The following UBAP2 variants were observed in gnomAD, a reference collection of about 807,000 sequenced individuals.
The protein encoded by UBAP2 is ubiquitin-associated protein 2.
Under a neutral mutation model 139.6 loss-of-function variants are expected in UBAP2, and 75 were observed. The observed-to-expected ratio is 0.54, with a 90% CI of 0.45 to 0.65. The LOEUF (loss-of-function observed/expected upper bound fraction) is 0.65, where lower values mean the gene tolerates loss of function less well. Ranked by LOEUF, UBAP2 falls within the 30% of genes least tolerant of loss-of-function variation. UBAP2 has a pLI of 0.00. For missense variants in UBAP2, 1,368 were observed against 1,369.6 expected, an observed-to-expected ratio of 1.00 and a Z score of 0.02; for synonymous variants, 526 against 526.2, an observed-to-expected ratio of 1.00 and a Z score of 0.01.
intron 4 of UBAP2, among the ~76,000 whole-genome samples, chr9:33,989,971 A>G (rs1008959591): frequency 6.6e-6 from 1 of 152,192 alleles, no homozygotes; most frequent in Non-Finnish European, 1.5e-5. Flanking sequence ...TAACCTCCAA[A>G]GAATTCTTCT....
At chr9:34,020,387 C>A (rs1489247097) in intron 1 of UBAP2, among the ~76,000 whole-genome samples, 2 of 151,438 alleles carry the variant, frequency 1.3e-5, no homozygotes, top group African/African-American at 2.4e-5. Flanking sequence ...ACGAATAGTG[C>A]GATCTCGGCT....
At chr9:34,016,946 A>T in intron 2 of UBAP2, 104 bp downstream of exon 2, 1 of 791,148 alleles carries the variant, frequency 1.3e-6, no homozygotes. Context: ...TAATTTCCTT[A>T]ATTCTAAACA....
At chr9:33,969,877 C>G (rs1373701822) in intron 8 of UBAP2, among the ~76,000 whole-genome samples, 1 of 149,850 alleles carries the variant, frequency 6.7e-6, no homozygotes, top group Non-Finnish European at 1.5e-5. Context: ...CCCCCCCACC[C>G]CCAAAAAAAA....
chr9:34,038,457 A>AT (rs34467635), intron 1 of UBAP2, among the ~76,000 whole-genome samples: 3 of 151,218 alleles, frequency 2.0e-5, no homozygotes, highest in African/African-American at 2.4e-5. Context: ...TGGTTTTCGT[A>AT]TTTTTTTGGT....
Position 33,923,867 on chromosome 9 carries a change from A to AGGTGGC in UBAP2, c.2718_2723dup (p.Pro907_Pro908dup). On this transcript the variant is annotated inframe_insertion, in exon 24 of 29. Coordinates refer to ENST00000379238, the MANE Select transcript of UBAP2 (RefSeq NM_001370062.2). The stretch of plus-strand genomic sequence containing the variant: ...AGGGAAGACCAGTGTAGCTATAGCC[A>AGGTGGC]GGTGGCAGTGCAGGATTCACGAAGG... 6.2e-7 allele frequency: 1 copy of AGGTGGC among 1,614,220 alleles called. No individual in the cohort carries two copies. The highest frequency in any genetic ancestry group is 8.5e-7 in the Non-Finnish European group (1 of 1,180,038).
chr9:34,046,602 C>T (rs1357167468), intron 1 of UBAP2, among the ~76,000 whole-genome samples: 2 of 144,696 alleles, frequency 1.4e-5, no homozygotes, highest in African/African-American at 5.2e-5. Context: ...CGAGATCAGG[C>T]CACTGCACTC....
At chr9:33,953,080 G>T (rs1402620439) in intron 12 of UBAP2, among the ~76,000 whole-genome samples, 1 of 152,126 alleles carries the variant, frequency 6.6e-6, no homozygotes, top group African/African-American at 2.4e-5. Context: ...GTTTTGCCCA[G>T]TCTGGTTTCA....
At chr9:33,978,185 T>C (rs1587600771) in intron 6 of UBAP2, among the ~76,000 whole-genome samples, 1 of 129,220 alleles carries the variant, frequency 7.7e-6, no homozygotes, top group South Asian at 2.3e-4. Context: ...TATTAAATGC[T>C]ATGTGGAACA....
At chr9:34,018,586 G>C (rs944416784) in intron 1 of UBAP2, among the ~76,000 whole-genome samples, 1 of 152,198 alleles carries the variant, frequency 6.6e-6, no homozygotes, top group African/African-American at 2.4e-5. Flanking sequence ...ATTATTGGCC[G>C]GGCACGGTCA....
intron 2 of UBAP2, among the ~76,000 whole-genome samples, chr9:34,007,222 A>T (rs1823295540): frequency 6.6e-6 from 1 of 152,110 alleles, no homozygotes; most frequent in Non-Finnish European, 1.5e-5. Context: ...GGCCAGGTGC[A>T]GTGACTCACG....
At chr9:33,958,101 ACAGG>A (rs1826718868) in intron 10 of UBAP2, among the ~76,000 whole-genome samples, 1 of 152,060 alleles carries the variant, frequency 6.6e-6, no homozygotes, top group Non-Finnish European at 1.5e-5. Context: ...AGCTGGGACT[ACAGG>A]CACCTGCCAT....
chr9:34,040,222 G>A (rs1383218475), intron 1 of UBAP2, among the ~76,000 whole-genome samples: 2 of 151,116 alleles, frequency 1.3e-5, no homozygotes, highest in Non-Finnish European at 2.9e-5. Context: ...TACTAGGGAG[G>A]CTGGGGCAGA....
intron 6 of UBAP2, among the ~76,000 whole-genome samples, chr9:33,984,276 G>A (rs1774748594): frequency 6.6e-6 from 1 of 152,104 alleles, no homozygotes; most frequent in African/African-American, 2.4e-5. Flanking sequence ...TAAGAAATTT[G>A]CAGGATGATA....
intron 11 of UBAP2, among the ~76,000 whole-genome samples, chr9:33,954,568 G>A (rs1005446406): frequency 2.0e-5 from 3 of 152,076 alleles, no homozygotes; most frequent in Non-Finnish European, 4.4e-5. Context: ...TCTCCTAACT[G>A]ACATTCTCAC....
rs1821453752 is a variant in UBAP2, at chr9:33,989,026, C to T, written c.389G>A (p.Arg130His). 3.1e-6 allele frequency: 5 copies of T among 1,613,932 alleles called. No individual in the cohort carries two copies. Among genetic ancestry groups the T allele is most frequent in the Middle Eastern group, 1.7e-4 (1 of 6,058 alleles). ...TTTCCGGTTGTTGTTTCCACGTCCA[C>T]GACTCGATTCTTTCTCGCTTTTCTT... ...REKKSEKESS[R>H]GRGNNNRKGR... Residue 130 changes from arginine (R) to histidine (H), a missense_variant, in exon 5 of 29, where the codon CGT becomes CAT. Arg to His is a conservative substitution (Grantham distance 29, BLOSUM62 0). Coordinates refer to ENST00000379238, the MANE Select transcript of UBAP2 (RefSeq NM_001370062.2).
At chr9:33,935,961 G>T in intron 16 of UBAP2, 83 bp from the exon 17 acceptor site, 1 of 1,250,982 alleles carries the variant, frequency 8.0e-7, no homozygotes. Flanking sequence ...TCTACAACAT[G>T]TAGCTTAATC....
intron 1 of UBAP2, among the ~76,000 whole-genome samples, chr9:34,041,717 CAAAG>C (rs985407122): frequency 2.0e-4 from 31 of 152,052 alleles, no homozygotes; most frequent in Non-Finnish European, 4.3e-4. Context: ...TAAAACAAAA[CAAAG>C]AAAAAAGAAA....
At chr9:33,937,011 G>C (rs921792900) in intron 16 of UBAP2, among the ~76,000 whole-genome samples, 3 of 147,634 alleles carry the variant, frequency 2.0e-5, no homozygotes, top group South Asian at 2.1e-4. Flanking sequence ...AAAACTCCTT[G>C]CAAAGAAAAC....
In UBAP2 at chr9:34,019,311, G is replaced by A. The variant is rs536499555; in HGVS notation, c.-41-2122C>T. Among the ~76,000 whole-genome samples the A allele has an allele frequency of 3.0e-4, 45 of 152,258 alleles. 1 individual carries two copies. The highest frequency in any genetic ancestry group is 4.1e-4 in the African/African-American group (17 of 41,548). ...CCAGCAACTCAGGAAGCTGAAGCAG[G>A]AGAATTGCTTGAACCCAAGAGGCGG... is the stretch of plus-strand genomic sequence containing the variant. On this transcript the variant is annotated intron_variant, in intron 1 of 28. Coordinates refer to ENST00000379238, the MANE Select transcript of UBAP2 (RefSeq NM_001370062.2).
Sources: gnomAD v4.1 joint callset for allele counts (sites outside exome capture counted in the v4.1 genomes callset) on GRCh38, gnomAD v4.1.1 for gene constraint, MANE v1.5 for transcripts, NCBI Gene and HGNC (gene_info 2026-07-23, HGNC 2026-07-21) for gene names.